The following COMMD10 variants were observed in gnomAD, a reference collection of about 807,000 sequenced individuals.
COMMD10 encodes COMM domain-containing protein 10.
Under a neutral mutation model 28.9 loss-of-function variants are expected in COMMD10, and 33 were observed. The observed-to-expected ratio is 1.14, with a 90% CI of 0.87 to 1.53. COMMD10 has a LOEUF of 1.53. Among genes scored for constraint, COMMD10 ranks in the 40% most tolerant of loss-of-function variants. COMMD10 has a pLI of 0.00. For synonymous variants in COMMD10, 110 were observed against 81.7 expected, an observed-to-expected ratio of 1.35 and a Z score of -1.87; for missense variants, 310 against 233.4, an observed-to-expected ratio of 1.33 and a Z score of -2.14.
intron 5 of COMMD10, among the ~76,000 whole-genome samples, chr5:116,282,137 A>C (rs1405669206): frequency 1.3e-5 from 2 of 151,840 alleles, no homozygotes; most frequent in Non-Finnish European, 2.9e-5. Context: ...AGAATTTCTA[A>C]TCTCACTCAG....
At chr5:116,101,338 C>G (rs77889113) in intron 4 of COMMD10, among the ~76,000 whole-genome samples, 2,948 of 152,136 alleles carry the variant, frequency 0.019, 89 homozygotes, top group African/African-American at 0.062. Flanking sequence ...ATAGAGTTCC[C>G]TTTTCTATAC....
intron 5 of COMMD10, among the ~76,000 whole-genome samples, chr5:116,194,401 A>C (rs995673539): frequency 6.6e-6 from 1 of 152,148 alleles, no homozygotes; most frequent in African/African-American, 2.4e-5. Flanking sequence ...GAAAAGATAA[A>C]AAAATTGATA....
At chr5:116,113,095 C>T (rs1346423939) in intron 4 of COMMD10, among the ~76,000 whole-genome samples, 3 of 152,164 alleles carry the variant, frequency 2.0e-5, no homozygotes, top group African/African-American at 7.2e-5. Flanking sequence ...CCTGGATATA[C>T]AATTCTTGGC....
At chr5:116,103,571 G>C (rs1750735155) in intron 4 of COMMD10, among the ~76,000 whole-genome samples, 1 of 152,144 alleles carries the variant, frequency 6.6e-6, no homozygotes, top group South Asian at 2.1e-4. Flanking sequence ...CCCTTTGTCA[G>C]ATGGATAGAT....
chr5:116,233,820 G>T (rs749591155), intron 5 of COMMD10, among the ~76,000 whole-genome samples: 1 of 152,114 alleles, frequency 6.6e-6, no homozygotes, highest in Non-Finnish European at 1.5e-5. Context: ...GAGGGGTGTG[G>T]TAGGACAGAT....
chr5:116,175,649 A>G (rs535712322), intron 5 of COMMD10, among the ~76,000 whole-genome samples: 1 of 152,282 alleles, frequency 6.6e-6, no homozygotes, highest in East Asian at 1.9e-4. Context: ...TGCATGGATA[A>G]GCAAAATATG....
chr5:116,128,210 G>A (rs1751727583), intron 4 of COMMD10, among the ~76,000 whole-genome samples: 1 of 151,972 alleles, frequency 6.6e-6, no homozygotes, highest in Non-Finnish European at 1.5e-5. Flanking sequence ...CAGAGTAATT[G>A]TAAGAATTTA....
At chr5:116,280,659 C>T (rs1751045717) in intron 5 of COMMD10, among the ~76,000 whole-genome samples, 1 of 151,726 alleles carries the variant, frequency 6.6e-6, no homozygotes, top group South Asian at 2.1e-4. Context: ...AAATGACTAA[C>T]AGTTGTAAAT....
chr5:116,210,526 T>C (rs948043078), intron 5 of COMMD10, among the ~76,000 whole-genome samples: 4 of 152,094 alleles, frequency 2.6e-5, no homozygotes, highest in African/African-American at 7.2e-5. Context: ...AACTGCTCAA[T>C]AAGGGTATAT....
At chr5:116,273,287 C>G (rs1236158042) in intron 5 of COMMD10, among the ~76,000 whole-genome samples, 2 of 151,706 alleles carry the variant, frequency 1.3e-5, no homozygotes, top group Non-Finnish European at 2.9e-5. Context: ...TTGAAGAACC[C>G]TCCTTGTAAT....
At chr5:116,178,134 G>A (rs1219551491) in intron 5 of COMMD10, among the ~76,000 whole-genome samples, 2 of 152,094 alleles carry the variant, frequency 1.3e-5, no homozygotes, top group Non-Finnish European at 2.9e-5. Context: ...GATAAAGCAA[G>A]TTAGAGATAA....
At chr5:116,184,768 T>C (rs1314931818) in intron 5 of COMMD10, among the ~76,000 whole-genome samples, 3 of 152,130 alleles carry the variant, frequency 2.0e-5, no homozygotes, top group Non-Finnish European at 4.4e-5. Context: ...GAGAAAACGT[T>C]TTATGGGCTT....
chr5:116,132,993 C>G (rs1751908888), intron 4 of COMMD10, among the ~76,000 whole-genome samples: 1 of 152,086 alleles, frequency 6.6e-6, no homozygotes, highest in African/African-American at 2.4e-5. Context: ...ATAATACTTC[C>G]ATTGCTGTCT....
intron 5 of COMMD10, among the ~76,000 whole-genome samples, chr5:116,233,224 T>G (rs1356417673): frequency 2.0e-5 from 3 of 152,142 alleles, no homozygotes; most frequent in African/African-American, 7.2e-5. Context: ...AGAGAAAGAC[T>G]ACATTCTCAT....
chr5:116,096,127 T>G (rs1424816467), intron 4 of COMMD10, among the ~76,000 whole-genome samples: 1 of 152,074 alleles, frequency 6.6e-6, no homozygotes. Context: ...AATCAGCTTT[T>G]GTATTTCTGT....
At chr5:116,126,269 G>A (rs981807608) in intron 4 of COMMD10, among the ~76,000 whole-genome samples, 2 of 152,166 alleles carry the variant, frequency 1.3e-5, no homozygotes, top group East Asian at 1.9e-4. Flanking sequence ...TCAACGAAAT[G>A]AAAGAGGACA....
At chr5:116,133,871 A>G (rs1161794777) in intron 4 of COMMD10, among the ~76,000 whole-genome samples, 197 bp from the exon 5 acceptor site, 1 of 152,166 alleles carries the variant, frequency 6.6e-6, no homozygotes, top group Non-Finnish European at 1.5e-5. Context: ...GTTAAATTTG[A>G]CAGGCGTGGC....
At chr5:116,109,982 G>T (rs1561605647) in intron 4 of COMMD10, among the ~76,000 whole-genome samples, 1 of 152,138 alleles carries the variant, frequency 6.6e-6, no homozygotes, top group African/African-American at 2.4e-5. Context: ...ACTTTTCCCT[G>T]TTCAGTGTGA....
At chr5:116,267,785 C>A (rs9763380) in intron 5 of COMMD10, among the ~76,000 whole-genome samples, 148,404 of 151,772 alleles carry the variant, frequency 0.98, 72,711 homozygotes, top group East Asian at 1. Flanking sequence ...AGTCCTCAGA[C>A]ATAATACCAC....
Sources: gnomAD v4.1 joint callset for allele counts (sites outside exome capture counted in the v4.1 genomes callset) on GRCh38, gnomAD v4.1.1 for gene constraint, MANE v1.5 for transcripts, NCBI Gene and HGNC (gene_info 2026-07-23, HGNC 2026-07-21) for gene names.